Variants in BTG4 observed in about 807,000 individuals in gnomAD.
BTG4 encodes protein BTG4.
A neutral mutation model predicts 19.3 loss-of-function variants in BTG4; 10 were observed. The observed-to-expected ratio is 0.52, with a 90% CI of 0.32 to 0.88. The LOEUF is 0.88. BTG4 is among the 40% of genes least tolerant of loss of function. BTG4 has a pLI of 0.04. For missense variants in BTG4, 238 were observed against 281.9 expected (o/e 0.84, Z 1.11); for synonymous variants, 91 against 95.7 (o/e 0.95, Z 0.29).
the BTG4 span, among the ~76,000 whole-genome samples, chr11:111,445,432 G>T: frequency 6.6e-6 from 1 of 152,134 alleles, no homozygotes; most frequent in African/African-American, 2.4e-5. Context: ...TTCAGCCTGT[G>T]TGGGCTGTCA....
chr11:111,467,123 G>T (rs1197862765), downstream of BTG4, among the ~76,000 whole-genome samples: 1 of 152,140 alleles, frequency 6.6e-6, no homozygotes, highest in Non-Finnish European at 1.5e-5. Flanking sequence ...CTTTCTACAT[G>T]CCAGAAAATA....
intron 5 of BTG4, among the ~76,000 whole-genome samples, chr11:111,471,228 T>C (rs1057389959): frequency 6.6e-6 from 1 of 152,198 alleles, no homozygotes; most frequent in African/African-American, 2.4e-5. Flanking sequence ...ATAAAGCTAT[T>C]TGTAGTGGTG....
intron 5 of BTG4, among the ~76,000 whole-genome samples, chr11:111,480,235 C>T (rs1433865221): frequency 2.0e-5 from 3 of 151,964 alleles, no homozygotes; most frequent in Admixed American, 6.6e-5. Context: ...AAGTAGATTA[C>T]CAGAAACAGG....
chr11:111,419,966 T>G, the BTG4 span, among the ~76,000 whole-genome samples: 2 of 152,182 alleles, frequency 1.3e-5, no homozygotes, highest in Admixed American at 1.3e-4. Context: ...GGCCACACAT[T>G]GCCAAGACAG....
chr11:111,452,429 A>C, the BTG4 span: 1 of 150,622 alleles, frequency 6.6e-6, no homozygotes, highest in African/African-American at 2.4e-5. Flanking sequence ...CCCTCCCGCC[A>C]GGGGGCCAGT....
At chr11:111,420,856 A>T in the BTG4 span, among the ~76,000 whole-genome samples, 3 of 152,246 alleles carry the variant, frequency 2.0e-5, no homozygotes, top group Admixed American at 6.5e-5. Context: ...AAAATGAATC[A>T]ATTATACAAT....
At chr11:111,482,450 AG>A (rs1415471857) in intron 5 of BTG4, among the ~76,000 whole-genome samples, 1 of 152,160 alleles carries the variant, frequency 6.6e-6, no homozygotes, top group Non-Finnish European at 1.5e-5. Flanking sequence ...GATATAGACA[AG>A]ATCATTCCAA....
chr11:111,511,893 A>G (rs935794073), intron 1 of BTG4, among the ~76,000 whole-genome samples: 2 of 152,204 alleles, frequency 1.3e-5, no homozygotes, highest in Non-Finnish European at 2.9e-5. Context: ...AGTTTCTACT[A>G]TTCTAAATAG....
the BTG4 span, chr11:111,417,949 TGAG>T: frequency 6.6e-6 from 1 of 152,172 alleles, no homozygotes; most frequent in Non-Finnish European, 1.5e-5. Flanking sequence ...GAAACAGCTG[TGAG>T]GAGCTTGACC....
At chr11:111,391,812 A>G in the BTG4 span, among the ~76,000 whole-genome samples, 1 of 152,188 alleles carries the variant, frequency 6.6e-6, no homozygotes, top group African/African-American at 2.4e-5. Flanking sequence ...AAGATAAATT[A>G]GAGTTAGGAG....
At chr11:111,480,156 T>A (rs1366846504) in intron 5 of BTG4, among the ~76,000 whole-genome samples, 1 of 152,024 alleles carries the variant, frequency 6.6e-6, no homozygotes, top group African/African-American at 2.4e-5. Context: ...AAATAGATAC[T>A]ATGCAAACAT....
chr11:111,423,587 A>G, the BTG4 span, among the ~76,000 whole-genome samples: 1 of 152,154 alleles, frequency 6.6e-6, no homozygotes, highest in Non-Finnish European at 1.5e-5. Context: ...CCACCCTTAC[A>G]CCACAGGCAG....
chr11:111,432,481 T>C, the BTG4 span, among the ~76,000 whole-genome samples: 109 of 152,218 alleles, frequency 7.2e-4, no homozygotes, highest in African/African-American at 2.3e-3. Flanking sequence ...CCATCTCTAC[T>C]AAAAATACAA....
upstream of BTG4, chr11:111,513,616 G>A: frequency 2.5e-6 from 1 of 399,170 alleles, no homozygotes; most frequent in Non-Finnish European, 5.2e-6. Flanking sequence ...TAATTGCTCA[G>A]CCAAAAGAAA....
the BTG4 span, among the ~76,000 whole-genome samples, chr11:111,409,436 G>T: frequency 6.6e-6 from 1 of 152,124 alleles, no homozygotes. Context: ...TTGGGAAAAT[G>T]GATTAGTTCC....
At chr11:111,509,664 C>A (rs1280158916) in intron 1 of BTG4, among the ~76,000 whole-genome samples, 1 of 151,670 alleles carries the variant, frequency 6.6e-6, no homozygotes, top group Non-Finnish European at 1.5e-5. Context: ...TCACTGCACT[C>A]CAGCTTGGGC....
intron 1 of BTG4, among the ~76,000 whole-genome samples, chr11:111,500,046 G>A (rs1865972001): frequency 6.6e-6 from 1 of 152,012 alleles, no homozygotes; most frequent in Non-Finnish European, 1.5e-5. Context: ...GGAGGCTGAG[G>A]CAGGACAATC....
chr11:111,485,392 A>G (rs1279591136), intron 5 of BTG4, among the ~76,000 whole-genome samples: 3 of 152,228 alleles, frequency 2.0e-5, no homozygotes, highest in African/African-American at 4.8e-5. Context: ...AAAAAATGAA[A>G]TCATATCAAC....
chr11:111,409,607 C>A, the BTG4 span, among the ~76,000 whole-genome samples: 1 of 152,138 alleles, frequency 6.6e-6, no homozygotes, highest in South Asian at 2.1e-4. Context: ...TTACAGCCTG[C>A]AGAACCATGA....
Sources: allele counts gnomAD v4.1 joint callset (sites outside exome capture counted in the v4.1 genomes callset), GRCh38; gene constraint gnomAD v4.1.1; transcripts MANE v1.5; gene names NCBI Gene and HGNC (gene_info 2026-07-23, HGNC 2026-07-21).